The following SNTG2 variants were observed in gnomAD, a reference collection of about 807,000 sequenced individuals.
SNTG2 encodes syntrophin gamma 2, also known as gamma-2-syntrophin.
A neutral mutation model predicts 70.9 loss-of-function variants in SNTG2; 74 were observed. The ratio of observed to expected loss-of-function variants is 1.04; its 90% CI spans 0.86 to 1.27. The LOEUF (loss-of-function observed/expected upper bound fraction) is 1.27. Among genes scored for constraint, SNTG2 ranks in the 50% most tolerant of loss-of-function variants. SNTG2 has a pLI of 0.00. For synonymous variants in SNTG2, 278 were observed against 273.8 expected, an observed-to-expected ratio of 1.02 and a Z score of -0.15; for missense variants, 717 against 690.7, an observed-to-expected ratio of 1.04 and a Z score of -0.43.
At chr2:1,058,082 CTT>C (rs1238351836) in intron 1 of SNTG2, among the ~76,000 whole-genome samples, 2 of 152,076 alleles carry the variant, frequency 1.3e-5, no homozygotes, top group African/African-American at 4.8e-5. Flanking sequence ...ATATAAATAA[CTT>C]ATATTTGTAT....
chr2:1,304,126 C>T (rs144304380), intron 14 of SNTG2, among the ~76,000 whole-genome samples: 1 of 152,330 alleles, frequency 6.6e-6, no homozygotes, highest in Admixed American at 6.5e-5. Context: ...ATACCAAAAG[C>T]AGTCAAAAAC....
chr2:1,328,713 G>T (rs1046202989), intron 16 of SNTG2, among the ~76,000 whole-genome samples: 2 of 152,114 alleles, frequency 1.3e-5, no homozygotes, highest in African/African-American at 4.8e-5. Flanking sequence ...TGAGTGCATT[G>T]GTTAGCAGGG....
intron 1 of SNTG2, among the ~76,000 whole-genome samples, chr2:1,065,504 A>G (rs994695350): frequency 1.3e-5 from 2 of 151,980 alleles, no homozygotes; most frequent in African/African-American, 4.8e-5. Context: ...TATCAACTGG[A>G]TGTTTGCTTA....
rs367806317 is a variant in SNTG2, at chr2:1,098,319, A to G, written c.268-34A>G. ...AGAACTTTCCAGTGTGAATCATGAT[A>G]ACCACGTTTCTTTCTGATGGCTTTG... On this transcript the variant is annotated intron_variant, in intron 3 of 16. Transcript: ENST00000308624. The G allele has an allele frequency of 1.9e-6, 3 of 1,613,678 alleles. No individual in the cohort carries two copies. In the African/African-American group the frequency reaches 4.0e-5, roughly 22 times the overall value.
intron 6 of SNTG2, among the ~76,000 whole-genome samples, chr2:1,150,432 C>T (rs1669401655): frequency 6.6e-6 from 1 of 152,156 alleles, no homozygotes; most frequent in Non-Finnish European, 1.5e-5. Flanking sequence ...CAGGCCTGGG[C>T]ACACATCTGC....
chr2:1,029,622 G>A (rs1660700206), intron 1 of SNTG2, among the ~76,000 whole-genome samples: 1 of 152,244 alleles, frequency 6.6e-6, no homozygotes, highest in Non-Finnish European at 1.5e-5. Context: ...CCATGCGTGA[G>A]AGCATGACCT....
chr2:1,143,415 TC>T (rs1572552179), intron 6 of SNTG2, among the ~76,000 whole-genome samples: 1 of 152,200 alleles, frequency 6.6e-6, no homozygotes, highest in East Asian at 2.0e-4. Flanking sequence ...TAAGCAGCCC[TC>T]TGCCCTTATC....
chr2:1,020,075 T>C (rs746851231), intron 1 of SNTG2, among the ~76,000 whole-genome samples: 1 of 152,088 alleles, frequency 6.6e-6, no homozygotes, highest in Non-Finnish European at 1.5e-5. Flanking sequence ...ACAGAAACAC[T>C]ATGGGCCACT....
At chr2:1,284,964 AC>A (rs1019591341) in intron 14 of SNTG2, among the ~76,000 whole-genome samples, 2 of 151,080 alleles carry the variant, frequency 1.3e-5, no homozygotes, top group African/African-American at 4.8e-5. Context: ...TATAAATATA[AC>A]TATATAAATA....
chr2:1,139,436 A>T (rs913699620), intron 6 of SNTG2, among the ~76,000 whole-genome samples: 1 of 152,064 alleles, frequency 6.6e-6, no homozygotes, highest in African/African-American at 2.4e-5. Flanking sequence ...GGGTTTTGCC[A>T]TTTTGGCCAG....
At chr2:977,266 T>C (rs1355455404) in intron 1 of SNTG2, among the ~76,000 whole-genome samples, 1 of 152,256 alleles carries the variant, frequency 6.6e-6, no homozygotes, top group African/African-American at 2.4e-5. Context: ...ACTTTTCTTG[T>C]TATGGCTTAT....
At chr2:1,010,365 C>T (rs987878102) in intron 1 of SNTG2, among the ~76,000 whole-genome samples, 3 of 152,132 alleles carry the variant, frequency 2.0e-5, no homozygotes, top group Non-Finnish European at 2.9e-5. Flanking sequence ...GGGTGTGAAC[C>T]ACAAATGCAG....
intron 1 of SNTG2, among the ~76,000 whole-genome samples, chr2:1,026,400 T>G (rs1171243115): frequency 6.6e-6 from 1 of 152,196 alleles, no homozygotes; most frequent in Non-Finnish European, 1.5e-5. Flanking sequence ...TGCTATTCAG[T>G]GCATAAAGAA....
intron 8 of SNTG2, among the ~76,000 whole-genome samples, chr2:1,188,442 GATAAA>G (rs1225150623): frequency 2.6e-5 from 4 of 151,938 alleles, no homozygotes; most frequent in African/African-American, 9.7e-5. Context: ...AGGCCTATTA[GATAAA>G]ATAATAACAA....
chr2:1,116,540 G>T (rs1666982913), intron 4 of SNTG2, among the ~76,000 whole-genome samples: 2 of 150,634 alleles, frequency 1.3e-5, no homozygotes, highest in African/African-American at 2.4e-5. Flanking sequence ...GTGTATGAGT[G>T]CCCTGGTGTG....
intron 13 of SNTG2, among the ~76,000 whole-genome samples, chr2:1,265,475 A>T (rs1188007622): frequency 6.6e-6 from 1 of 152,136 alleles, no homozygotes; most frequent in Non-Finnish European, 1.5e-5. Flanking sequence ...TGATGTCTGG[A>T]TGATGCACAG....
intron 1 of SNTG2, among the ~76,000 whole-genome samples, chr2:1,031,460 C>G (rs1660810386): frequency 7.1e-6 from 1 of 141,578 alleles, no homozygotes; most frequent in South Asian, 2.3e-4. Flanking sequence ...TTTCACTCAG[C>G]AGTTTTAAAA....
At chr2:1,362,103 A>G (rs112076064) in intron 16 of SNTG2, among the ~76,000 whole-genome samples, 6 of 149,954 alleles carry the variant, frequency 4.0e-5, no homozygotes, top group South Asian at 2.2e-4. Flanking sequence ...ACTTCCATGA[A>G]AGTCACTGAT....
At chr2:1,019,179 T>A (rs1276537277) in intron 1 of SNTG2, among the ~76,000 whole-genome samples, 1 of 152,048 alleles carries the variant, frequency 6.6e-6, no homozygotes, top group African/African-American at 2.4e-5. Flanking sequence ...CATCAAACAG[T>A]CCCCTTTGGC....
Sources: gnomAD v4.1 joint callset for allele counts (sites outside exome capture counted in the v4.1 genomes callset) on GRCh38, gnomAD v4.1.1 for gene constraint, MANE v1.5 for transcripts, NCBI Gene and HGNC (gene_info 2026-07-23, HGNC 2026-07-21) for gene names.